The following ZEB1 variants were observed in gnomAD, a reference collection of about 807,000 sequenced individuals.
ZEB1 encodes the protein zinc finger E-box-binding homeobox 1.
A neutral mutation model predicts 84.9 loss-of-function variants in ZEB1; 21 were observed. That is an observed-to-expected ratio of 0.25 (90% CI 0.18 to 0.36). ZEB1 has a LOEUF of 0.36. ZEB1 is among the 10% of genes least tolerant of loss of function. The probability of loss-of-function intolerance (pLI) is 1.00; values close to 1 mark genes in which losing one functional copy is unlikely to be tolerated. For synonymous variants in ZEB1, 420 were observed against 471.1 expected (o/e 0.89, Z 1.41); for missense variants, 1,104 against 1,330.2 (o/e 0.83, Z 2.65).
At chr10:31,373,104 A>G (rs1300732518) in intron 1 of ZEB1, 4 of 985,570 alleles carry the variant, frequency 4.1e-6, no homozygotes, top group Non-Finnish European at 4.8e-6. Flanking sequence ...TGATTTGGCT[A>G]CTGTCTGCTT....
At chr10:31,461,968 TATTA>T (rs902642082) in intron 2 of ZEB1, among the ~76,000 whole-genome samples, 1 of 152,094 alleles carries the variant, frequency 6.6e-6, no homozygotes, top group African/African-American at 2.4e-5. Flanking sequence ...AGTGGCATAG[TATTA>T]ATTAGAGAGG....
At chr10:31,474,484 A>G (rs1263495350) in intron 2 of ZEB1, among the ~76,000 whole-genome samples, 2 of 152,220 alleles carry the variant, frequency 1.3e-5, no homozygotes, top group African/African-American at 4.8e-5. Flanking sequence ...TGGCCATCAG[A>G]GAAAGGCAAA....
intron 1 of ZEB1, among the ~76,000 whole-genome samples, chr10:31,455,496 T>A (rs1389901313): frequency 6.6e-6 from 1 of 151,800 alleles, no homozygotes; most frequent in Non-Finnish European, 1.5e-5. Flanking sequence ...TGGGAGAAAA[T>A]TTTTGCAATC....
chr10:31,381,446 A>G (rs2047612066), intron 1 of ZEB1, among the ~76,000 whole-genome samples: 2 of 152,196 alleles, frequency 1.3e-5, no homozygotes, highest in African/African-American at 4.8e-5. Context: ...TGTATTTGAA[A>G]CAATTTTAAG....
chr10:31,495,970 T>A, intron 3 of ZEB1, 132 bp downstream of exon 3: 1 of 921,598 alleles, frequency 1.1e-6, no homozygotes, highest in Non-Finnish European at 1.8e-6. Context: ...AATGTTTAAG[T>A]ACTTAGGCAT....
chr10:31,398,258 A>T (rs1426864053), intron 1 of ZEB1, among the ~76,000 whole-genome samples: 2 of 152,132 alleles, frequency 1.3e-5, no homozygotes, highest in Non-Finnish European at 2.9e-5. Context: ...AAATTATACT[A>T]TTCATTGGTT....
intron 2 of ZEB1, among the ~76,000 whole-genome samples, chr10:31,473,915 A>G (rs1005963407): frequency 3.3e-5 from 5 of 151,766 alleles, no homozygotes; most frequent in African/African-American, 7.3e-5. Flanking sequence ...GCATATCTAC[A>G]ACTATCTGAT....
intron 3 of ZEB1, among the ~76,000 whole-genome samples, chr10:31,497,274 G>A (rs1267110251): frequency 2.0e-5 from 3 of 152,054 alleles, no homozygotes; most frequent in Non-Finnish European, 1.5e-5. Context: ...CCAAAAAGAT[G>A]CTCACAGGTT....
chr10:31,393,243 G>A (rs898379064), intron 1 of ZEB1, among the ~76,000 whole-genome samples: 39 of 152,206 alleles, frequency 2.6e-4, no homozygotes, highest in African/African-American at 9.1e-4. Flanking sequence ...AAACATTATA[G>A]TTTTGGTTTT....
chr10:31,430,726 A>G (rs1177919166), intron 1 of ZEB1, among the ~76,000 whole-genome samples: 1 of 152,242 alleles, frequency 6.6e-6, no homozygotes, highest in East Asian at 1.9e-4. Flanking sequence ...TATATAGGAA[A>G]TAAATCAGTC....
At chr10:31,476,072 C>CA (rs1309735161) in intron 2 of ZEB1, among the ~76,000 whole-genome samples, 7 of 151,650 alleles carry the variant, frequency 4.6e-5, no homozygotes, top group African/African-American at 1.7e-4. Flanking sequence ...ACTACAGACT[C>CA]AAAGTAAAGG....
chr10:31,451,582 G>C (rs2060573792), intron 1 of ZEB1, among the ~76,000 whole-genome samples: 1 of 152,108 alleles, frequency 6.6e-6, no homozygotes, highest in Non-Finnish European at 1.5e-5. Context: ...ATTAGTTATA[G>C]GTAATTTAGT....
chr10:31,458,903 T>C (rs1385750295), intron 1 of ZEB1, among the ~76,000 whole-genome samples: 1 of 152,100 alleles, frequency 6.6e-6, no homozygotes, highest in African/African-American at 2.4e-5. Flanking sequence ...CCCCTTGACT[T>C]ATGAATTATG....
intron 1 of ZEB1, among the ~76,000 whole-genome samples, chr10:31,427,857 T>TCTGGG (rs1368103076): frequency 0.012 from 1,718 of 143,486 alleles, 31 homozygotes; most frequent in South Asian, 0.062. Flanking sequence ...AGACTCCATC[T>TCTGGG]CAAAAAAAAA....
intron 1 of ZEB1, among the ~76,000 whole-genome samples, chr10:31,441,182 C>T (rs1030410582): frequency 8.5e-5 from 13 of 152,178 alleles, no homozygotes; most frequent in Non-Finnish European, 1.0e-4. Context: ...GTAACCAAAA[C>T]AGCATGGTAC....
chr10:31,497,418 G>A (rs1188618134), intron 3 of ZEB1, among the ~76,000 whole-genome samples: 1 of 152,080 alleles, frequency 6.6e-6, no homozygotes, highest in Non-Finnish European at 1.5e-5. Context: ...TCAAATTTGT[G>A]TTTAACAAAA....
At chr10:31,418,596 G>C (rs562265297) in intron 1 of ZEB1, among the ~76,000 whole-genome samples, 1 of 152,072 alleles carries the variant, frequency 6.6e-6, no homozygotes, top group South Asian at 2.1e-4. Context: ...TTTGCTGTGC[G>C]TTTTGGTGGG....
At chr10:31,439,606 A>C (rs2058676960) in intron 1 of ZEB1, among the ~76,000 whole-genome samples, 1 of 151,976 alleles carries the variant, frequency 6.6e-6, no homozygotes, top group Admixed American at 6.6e-5. Context: ...ATAATCAATC[A>C]ATAAGATATT....
intron 1 of ZEB1, among the ~76,000 whole-genome samples, chr10:31,433,554 G>A (rs143685078): frequency 6.6e-6 from 1 of 152,222 alleles, no homozygotes; most frequent in African/African-American, 2.4e-5. Context: ...CAGCTACTTC[G>A]GTAGCAACTT....
Sources: gnomAD v4.1 joint callset for allele counts (sites outside exome capture counted in the v4.1 genomes callset) on GRCh38, gnomAD v4.1.1 for gene constraint, MANE v1.5 for transcripts, NCBI Gene and HGNC (gene_info 2026-07-23, HGNC 2026-07-21) for gene names.